The following SLC24A2 variants were observed in gnomAD, a reference collection of about 807,000 sequenced individuals.
SLC24A2 encodes solute carrier family 24 member 2, also known as sodium/potassium/calcium exchanger 2.
In SLC24A2, 36 loss-of-function variants were observed where a neutral mutation model predicts 62.0. That is an observed-to-expected ratio of 0.58 (90% CI 0.44 to 0.77). SLC24A2 has a LOEUF of 0.77. Ranked by LOEUF, SLC24A2 falls within the 30% of genes least tolerant of loss-of-function variation. The pLI is 0.00. For synonymous variants in SLC24A2, 358 were observed against 294.0 expected (o/e 1.22, Z -2.23); for missense variants, 846 against 817.9 (o/e 1.03, Z -0.42).
chr9:19,679,776 T>C (rs1270724703), intron 2 of SLC24A2, among the ~76,000 whole-genome samples: 1 of 151,892 alleles, frequency 6.6e-6, no homozygotes, highest in Non-Finnish European at 1.5e-5. Context: ...ATGGCAAAAC[T>C]GGGATCTCTC....
chr9:19,844,096 T>C, the SLC24A2 span, among the ~76,000 whole-genome samples: 5 of 152,206 alleles, frequency 3.3e-5, no homozygotes, highest in African/African-American at 1.2e-4. Flanking sequence ...TTGAGAAATC[T>C]CCAAACTGTT....
chr9:20,010,498 G>C, the SLC24A2 span, among the ~76,000 whole-genome samples: 1 of 151,884 alleles, frequency 6.6e-6, no homozygotes, highest in Non-Finnish European at 1.5e-5. Context: ...ACAAAATTAA[G>C]TAAAATTTGG....
the SLC24A2 span, among the ~76,000 whole-genome samples, chr9:19,860,614 A>G: frequency 6.6e-6 from 1 of 152,128 alleles, no homozygotes; most frequent in Non-Finnish European, 1.5e-5. Context: ...GCTCAGCTAC[A>G]GGGCGATAGA....
chr9:19,816,523 C>T, the SLC24A2 span, among the ~76,000 whole-genome samples: 8 of 152,122 alleles, frequency 5.3e-5, no homozygotes, highest in Non-Finnish European at 1.2e-4. Flanking sequence ...TGTATTACAC[C>T]ATGCTTGCAT....
chr9:19,565,611 A>T (rs1461117946), intron 7 of SLC24A2, among the ~76,000 whole-genome samples: 1 of 152,086 alleles, frequency 6.6e-6, no homozygotes, highest in Non-Finnish European at 1.5e-5. Context: ...CAGAATTGGA[A>T]AAAACTAAAG....
the SLC24A2 span, among the ~76,000 whole-genome samples, chr9:19,946,937 A>T: frequency 3.1e-4 from 47 of 152,204 alleles, no homozygotes; most frequent in Non-Finnish European, 5.1e-4. Context: ...TCTAATGTAA[A>T]AAAAATTCAA....
the SLC24A2 span, among the ~76,000 whole-genome samples, chr9:19,882,324 A>G: frequency 4.6e-5 from 7 of 152,192 alleles, no homozygotes; most frequent in Non-Finnish European, 1.0e-4. Context: ...TTTAATTTTC[A>G]GTCCAAAGGT....
At chr9:19,916,971 T>C in the SLC24A2 span, among the ~76,000 whole-genome samples, 23 of 139,296 alleles carry the variant, frequency 1.7e-4, no homozygotes, top group African/African-American at 3.7e-4. Context: ...TAGGTGCAAA[T>C]AACTTACCTG....
the SLC24A2 span, among the ~76,000 whole-genome samples, chr9:19,854,111 T>C: frequency 6.6e-6 from 1 of 152,336 alleles, no homozygotes; most frequent in East Asian, 1.9e-4. Context: ...TATTCTCTGA[T>C]GGTTGGTTGT....
At chr9:19,801,127 G>A in the SLC24A2 span, among the ~76,000 whole-genome samples, 1 of 152,238 alleles carries the variant, frequency 6.6e-6, no homozygotes, top group Non-Finnish European at 1.5e-5. Flanking sequence ...ATGGTGGCAA[G>A]CCTCGTGTTC....
rs113154488 is a variant in SLC24A2, at chr9:19,650,987, T to G, written c.931-28688A>C. Among the ~76,000 whole-genome samples the G allele has an allele frequency of 4.2e-3, 633 of 152,288 alleles. 4 individuals are homozygous for G. Among genetic ancestry groups the G allele is most frequent in the Non-Finnish European group, 7.5e-3 (511 of 68,018 alleles). On this transcript the variant is annotated intron_variant, in intron 2 of 10. Transcript: ENST00000341998. ...TCATAGTTAAGTGGTCAACTTGTAT[T>G]GATAAGACATCTATACTCCTCACAG...
the SLC24A2 span, among the ~76,000 whole-genome samples, chr9:20,053,365 G>A: frequency 1.3e-5 from 2 of 152,132 alleles, no homozygotes; most frequent in African/African-American, 2.4e-5. Context: ...CAAGCTTTGA[G>A]GAGAGGGTAA....
chr9:20,021,744 G>C, the SLC24A2 span, among the ~76,000 whole-genome samples: 1 of 151,608 alleles, frequency 6.6e-6, no homozygotes, highest in Non-Finnish European at 1.5e-5. Flanking sequence ...CTATGTGTTG[G>C]GCTACACCTA....
intron 5 of SLC24A2, among the ~76,000 whole-genome samples, chr9:19,596,616 A>C (rs748543527): frequency 3.3e-5 from 5 of 152,172 alleles, no homozygotes; most frequent in Admixed American, 6.5e-5. Flanking sequence ...AAAATGGTTA[A>C]AATGATATGC....
At chr9:20,202,556 G>C in the SLC24A2 span, among the ~76,000 whole-genome samples, 1 of 152,146 alleles carries the variant, frequency 6.6e-6, no homozygotes, top group East Asian at 1.9e-4. Context: ...AGGGAGTGGA[G>C]AGATGGGCAG....
chr9:20,040,739 CA>C, the SLC24A2 span, among the ~76,000 whole-genome samples: 1 of 152,160 alleles, frequency 6.6e-6, no homozygotes, highest in South Asian at 2.1e-4. Context: ...TGGCTATTTA[CA>C]ATTATTTTTC....
At chr9:20,183,973 G>C in the SLC24A2 span, among the ~76,000 whole-genome samples, 1 of 152,108 alleles carries the variant, frequency 6.6e-6, no homozygotes, top group African/African-American at 2.4e-5. Context: ...GTGATTGAGA[G>C]AAATACAATT....
chr9:19,848,198 C>A, the SLC24A2 span, among the ~76,000 whole-genome samples: 1 of 152,040 alleles, frequency 6.6e-6, no homozygotes. Flanking sequence ...TAGCTTTCAC[C>A]AACCAAAAAT....
At chr9:20,084,410 C>A in the SLC24A2 span, among the ~76,000 whole-genome samples, 1 of 152,100 alleles carries the variant, frequency 6.6e-6, no homozygotes, top group Non-Finnish European at 1.5e-5. Flanking sequence ...TTGGGAAACA[C>A]TACAAATCAG....
Sources: gnomAD v4.1 joint callset for allele counts (sites outside exome capture counted in the v4.1 genomes callset) on GRCh38, gnomAD v4.1.1 for gene constraint, MANE v1.5 for transcripts, NCBI Gene and HGNC (gene_info 2026-07-23, HGNC 2026-07-21) for gene names.